Variants in ATP8B2 observed in about 807,000 individuals in gnomAD.
ATP8B2 encodes phospholipid-transporting ATPase ID.
ATP8B2 carries 70 observed loss-of-function variants against 133.4 expected under a neutral mutation model. The observed-to-expected ratio is 0.52, with a 90% CI of 0.43 to 0.64. The LOEUF (loss-of-function observed/expected upper bound fraction) is 0.64. Among genes scored for constraint, ATP8B2 ranks in the 30% least tolerant of loss-of-function variants. The pLI, the probability that ATP8B2 is intolerant of heterozygous loss-of-function variation, is 0.00. For synonymous variants in ATP8B2, 517 were observed against 589.5 expected, an observed-to-expected ratio of 0.88 and a Z score of 1.78; for missense variants, 1,101 against 1,535.7, an observed-to-expected ratio of 0.72 and a Z score of 4.73.
Position 154,349,038 on chromosome 1 carries a change from T to C in ATP8B2, c.3493T>C (p.Trp1165Arg). ...CTTCACCACCCGCTCCAGCTCCAGC[T>C]GGATTGAGAGCCTGCGCAGGAAGAA... ...SSFTTRSSSSWIESLRRKKSD... is the reference protein window; with the variant it reads ...SSFTTRSSSSRIESLRRKKSD... The change falls in exon 28 of 28, where the codon TGG becomes CGG. Residue 1165 changes from tryptophan to arginine, a missense_variant. Trp to Arg is a moderately radical substitution (Grantham distance 101). Coordinates refer to ENST00000368489, the MANE Select transcript of ATP8B2 (RefSeq NM_001370597.1). The C allele has an allele frequency of 6.2e-7, 1 of 1,614,232 alleles. No homozygotes were observed. The highest frequency in any genetic ancestry group is 1.1e-5 in the South Asian group (1 of 91,090).
intron 3 of ATP8B2, 161 bp from the exon 4 acceptor site, chr1:154,330,654 C>A: frequency 1.3e-6 from 1 of 749,970 alleles, no homozygotes; most frequent in Non-Finnish European, 2.2e-6. Context: ...CATTGACCCC[C>A]TTGAGACTCC....
intron 11 of ATP8B2, among the ~76,000 whole-genome samples, chr1:154,336,655 T>G (rs1340979833): frequency 6.6e-6 from 1 of 151,804 alleles, no homozygotes; most frequent in African/African-American, 2.4e-5. Flanking sequence ...ACCCGGCTAA[T>G]TTTTTTGTAT....
In ATP8B2 at chr1:154,329,676, G is replaced by A. The variant is rs187207151; in HGVS notation, c.32-720G>A. Among the ~76,000 whole-genome samples the A allele has an allele frequency of 2.1e-3, 321 of 152,290 alleles. 2 individuals are homozygous for A. Among genetic ancestry groups the A allele is most frequent in the Admixed American group, 4.1e-3 (63 of 15,300 alleles). On this transcript the variant is annotated intron_variant, in intron 2 of 27. Transcript: ENST00000368489. ...GGTACAAGGAAGGTCCAGTTAGAGAGCAACTGTTTCAATTACATTTCATTC... is the reference window on the plus strand; with the variant it reads ...GGTACAAGGAAGGTCCAGTTAGAGAACAACTGTTTCAATTACATTTCATTC...
Position 154,350,118 on chromosome 1 carries a change from G to C in ATP8B2, c.*1000G>C, listed in dbSNP as rs567762567. ...GATGGAGTCTCACTCTTGTCACCTAGGCAAGAGTGCAATGGCACAATCTCA... is the reference window on the plus strand; with the variant it reads ...GATGGAGTCTCACTCTTGTCACCTACGCAAGAGTGCAATGGCACAATCTCA... On this transcript the variant is annotated 3_prime_UTR_variant, in exon 28 of 28. Coordinates refer to ENST00000368489, the MANE Select transcript of ATP8B2 (RefSeq NM_001370597.1). 3.3e-5 allele frequency: 5 copies of C among 150,280 alleles called. No individual in the cohort carries two copies. The highest frequency in any genetic ancestry group is 7.4e-5 in the Non-Finnish European group (5 of 67,756). 9.3% of individuals were successfully genotyped at this position (150,280 alleles called of 1,614,324 possible).
chr1:154,327,761 T>C (rs367935195), intron 1 of ATP8B2: 302 of 1,593,038 alleles, frequency 1.9e-4, no homozygotes, highest in Non-Finnish European at 2.5e-4. Flanking sequence ...GCACTACTCA[T>C]TGCCGCCAGA....
At chr1:154,338,342 G>A (rs1686260533) in intron 12 of ATP8B2, among the ~76,000 whole-genome samples, 2 of 140,282 alleles carry the variant, frequency 1.4e-5, no homozygotes, top group Admixed American at 1.5e-4. Context: ...ATTTGCCTGT[G>A]GACTTTGTAT....
In ATP8B2 at chr1:154,328,213, A is replaced by G; in HGVS notation, c.31+41A>G. 1.9e-6 allele frequency: 3 copies of G among 1,582,140 alleles called. No homozygotes were observed. Among genetic ancestry groups the G allele is most frequent in the Non-Finnish European group, 2.6e-6 (3 of 1,151,656 alleles). On this transcript the variant is annotated intron_variant, in intron 2 of 27. Coordinates refer to ENST00000368489, the MANE Select transcript of ATP8B2 (RefSeq NM_001370597.1). The surrounding 1 kb of genome is among the most constrained non-coding windows in gnomAD (Gnocchi z 4.6). ...AGGGGAGATCCCGGGAACCATCAAGAGTGGGTGTTGTTATGGCTCAGGGAG... is the reference window on the plus strand; with the variant it reads ...AGGGGAGATCCCGGGAACCATCAAGGGTGGGTGTTGTTATGGCTCAGGGAG...
chr1:154,340,590 GCTGT>G lies in ATP8B2; in HGVS notation c.1035-258_1035-255del, dbSNP rs1259036460. 3.9e-6 allele frequency: 2 copies of G among 509,238 alleles called. No homozygotes were observed. The highest frequency in any genetic ancestry group is 7.3e-6 in the Non-Finnish European group (2 of 273,834). 31.5% of individuals were successfully genotyped at this position (509,238 alleles called of 1,614,324 possible). A position where few individuals can be genotyped will look rare whatever the true frequency, so the allele number is the denominator to read the frequency against. On this transcript the variant is annotated intron_variant, in intron 12 of 27. Transcript: ENST00000368489. The surrounding 1 kb of genome is among the most constrained non-coding windows in gnomAD (Gnocchi z 4.0). ...TGTCTACAGCCCCTTTTCCTCCTTT[GCTGT>G]CTGTCCTGCCCACCCAGGCCCTTTG...
intron 11 of ATP8B2, 54 bp from the exon 12 acceptor site, chr1:154,337,294 G>A (rs534539030): frequency 2.6e-6 from 4 of 1,565,684 alleles, no homozygotes; most frequent in African/African-American, 2.7e-5. Flanking sequence ...GATGCACTTG[G>A]TTTTGAGGGC....
chr1:154,334,022 T>C lies in ATP8B2; in HGVS notation c.590-85T>C. ...GCCCTTGCCCTTGCATCCTCTTCGC[T>C]CAGCTCATTTTCTCTTTGTTTTATT... On this transcript the variant is annotated intron_variant, in intron 9 of 27. Transcript: ENST00000368489. The surrounding 1 kb of genome is among the most constrained non-coding windows in gnomAD (Gnocchi z 4.6). 1.3e-6 allele frequency: 2 copies of C among 1,520,210 alleles called. No homozygotes were observed. The allele number at this position is 1,520,210 out of a possible 1,614,324, so 94.2% of individuals were successfully genotyped here.
At chr1:154,327,789 T>C in intron 1 of ATP8B2, 2 of 1,612,734 alleles carry the variant, frequency 1.2e-6, no homozygotes, top group Non-Finnish European at 1.7e-6. Context: ...AGAGCCTCCA[T>C]TGTCCCTGGG....
Position 154,340,453 on chromosome 1 carries a change from C to G in ATP8B2, c.1035-401C>G. 1 of 205,002 alleles carries G rather than the reference C, an allele frequency of 4.9e-6. No individual in the cohort carries two copies. Among genetic ancestry groups the G allele is most frequent in the Non-Finnish European group, 1.1e-5 (1 of 90,836 alleles). The allele number at this position is 205,002 out of a possible 1,614,324, so 12.7% of individuals were successfully genotyped here. A position where few individuals can be genotyped will look rare whatever the true frequency, so the allele number is the denominator to read the frequency against. ...CTGTGTTGCTGTGGCATGCACAGCA[C>G]CCTCATTATTTCTCTCTCTCTTTTC... On this transcript the variant is annotated intron_variant, in intron 12 of 27. Coordinates refer to ENST00000368489, the MANE Select transcript of ATP8B2 (RefSeq NM_001370597.1). The surrounding 1 kb of genome is among the most constrained non-coding windows in gnomAD (Gnocchi z 4.0).
At chr1:154,329,892 C>G (rs1294887287) in intron 2 of ATP8B2, among the ~76,000 whole-genome samples, 2 of 152,126 alleles carry the variant, frequency 1.3e-5, no homozygotes, top group East Asian at 3.9e-4. Flanking sequence ...TGGGATGCTC[C>G]CGCAGAGCAG....
chr1:154,328,928 C>T lies in ATP8B2; in HGVS notation c.31+756C>T, dbSNP rs1388698704. ...GCACCTCCCCGGGGAGCCGCCCCGT[C>T]GATGCCACTAAGGCCAAGGACATAT... On this transcript the variant is annotated intron_variant, in intron 2 of 27. Coordinates refer to ENST00000368489, the MANE Select transcript of ATP8B2 (RefSeq NM_001370597.1). The surrounding 1 kb of genome is among the most constrained non-coding windows in gnomAD (Gnocchi z 4.6). The T allele has an allele frequency of 2.3e-6, 3 of 1,286,376 alleles. No individual in the cohort carries two copies. Among genetic ancestry groups the T allele is most frequent in the Admixed American group, 4.8e-5 (2 of 42,066 alleles). The allele number at this position is 1,286,376 out of a possible 1,614,324, so 79.7% of individuals were successfully genotyped here. A position where few individuals can be genotyped will look rare whatever the true frequency, so the allele number is the denominator to read the frequency against.
rs1686110170 is a variant in ATP8B2, at chr1:154,334,550, A to G, written c.796A>G (p.Arg266Gly). Residue 266 changes from arginine (R) to glycine (G), a missense_variant, in exon 11 of 28, where the codon AGA (arginine) becomes GGA (glycine). Coordinates refer to ENST00000368489, the MANE Select transcript of ATP8B2 (RefSeq NM_001370597.1). This position sits in a 1 kb window ranked among gnomAD's most constrained non-coding sequence, Gnocchi z 4.6. ...AAACAGCGGCAGAACAAAGTTCAAA[A>G]GAACGAGTATCGATCGCCTAATGAA... Reference protein sequence around the residue: ...MQNSGRTKFKRTSIDRLMNTL... With the variant: ...MQNSGRTKFKGTSIDRLMNTL... 6.2e-7 allele frequency: 1 copy of G among 1,614,140 alleles called. No homozygotes were observed. The highest frequency in any genetic ancestry group is 1.7e-5 in the Admixed American group (1 of 60,018).
At position 154,340,191 on chromosome 1, in the gene ATP8B2, AAAC is replaced by A. The variant is rs1426874025; in HGVS notation, c.1035-656_1035-654del. Among the ~76,000 whole-genome samples the A allele has an allele frequency of 3.9e-5, 6 of 152,196 alleles. No individual in the cohort carries two copies. Among genetic ancestry groups the A allele is most frequent in the Admixed American group, 3.3e-4 (5 of 15,286 alleles). On this transcript the variant is annotated intron_variant, in intron 12 of 27. Transcript: ENST00000368489. The surrounding 1 kb of genome is among the most constrained non-coding windows in gnomAD (Gnocchi z 4.0). ...ACCCTAGCTCAAAAAACAAACAAGCAAACAACAACCACCACAATGCGCTGTGCC... is the reference window on the plus strand; with the variant it reads ...ACCCTAGCTCAAAAAACAAACAAGCAAACAACCACCACAATGCGCTGTGCC...
At chr1:154,348,049 C>T (rs533704330) in intron 26 of ATP8B2, among the ~76,000 whole-genome samples, 1 of 150,656 alleles carries the variant, frequency 6.6e-6, no homozygotes, top group Non-Finnish European at 1.5e-5. Flanking sequence ...AAAATTTTTA[C>T]AGAAATGAAT....
rs1686568190 is a variant in ATP8B2, at chr1:154,345,979, G to C, written c.2778+96G>C. On this transcript the variant is annotated intron_variant, in intron 24 of 27. Transcript: ENST00000368489. The surrounding 1 kb of genome is among the most constrained non-coding windows in gnomAD (Gnocchi z 5.6). ...TGTGTGACACTTGTGCCCATTTCCT[G>C]TGGCCACTGGGAAGGCAGTTCTTTC... 2 of 1,265,412 alleles carry C rather than the reference G, an allele frequency of 1.6e-6. No homozygotes were observed. The highest frequency in any genetic ancestry group is 2.9e-5 in the African/African-American group (2 of 67,830). 78.4% of individuals were successfully genotyped at this position (1,265,412 alleles called of 1,614,324 possible).
intron 12 of ATP8B2, chr1:154,337,771 G>T (rs910724994): frequency 9.5e-6 from 14 of 1,468,252 alleles, no homozygotes; most frequent in Non-Finnish European, 1.2e-5. Flanking sequence ...GATTTATTCA[G>T]CACCTATTTA....
Sources: gnomAD v4.1 joint callset for allele counts (sites outside exome capture counted in the v4.1 genomes callset) on GRCh38, gnomAD v4.1.1 for gene constraint, Gnocchi (gnomAD v3.1) non-coding constraint, MANE v1.5 for transcripts, NCBI Gene and HGNC (gene_info 2026-07-23, HGNC 2026-07-21) for gene names.